The following MAMDC2 variants were observed in gnomAD, a reference collection of about 807,000 sequenced individuals.
The protein encoded by MAMDC2 is MAM domain containing 2, also known as MAM domain-containing protein 2.
A neutral mutation model predicts 89.8 loss-of-function variants in MAMDC2; 57 were observed. That is an observed-to-expected ratio of 0.63 (90% CI 0.51 to 0.79). The LOEUF is 0.79. MAMDC2 is among the 30% of genes least tolerant of loss of function. MAMDC2 has a pLI of 0.00. For synonymous variants in MAMDC2, 313 were observed against 293.4 expected, an observed-to-expected ratio of 1.07 and a Z score of -0.68; for missense variants, 800 against 820.6, an observed-to-expected ratio of 0.97 and a Z score of 0.31.
At position 70,218,395 on chromosome 9, in the gene MAMDC2, G is replaced by C. The variant is rs1487209433; in HGVS notation, c.1710G>C (p.Leu570Phe). 3 of 1,614,074 alleles carry C rather than the reference G, an allele frequency of 1.9e-6. No homozygotes were observed. In the African/African-American group the frequency reaches 4.0e-5, roughly 22 times the overall value. The stretch of plus-strand genomic sequence containing the variant: ...TGTATGGACAAAAAGCACGCCTCTT[G>C]TCCAGGCCTCTGCGAGGAGTCTCTG... ...HMVYGQKARL[L>F]SRPLRGVSGK... The change falls in exon 12 of 14, where the codon TTG becomes TTC. Residue 570 changes from leucine (L) to phenylalanine (F), a missense_variant. By Grantham distance (22) the Leu-to-Phe change is conservative. Coordinates refer to ENST00000377182, the MANE Select transcript of MAMDC2 (RefSeq NM_153267.5).
At chr9:70,211,767 C>T (rs1444694664) in intron 11 of MAMDC2, among the ~76,000 whole-genome samples, 1 of 152,064 alleles carries the variant, frequency 6.6e-6, no homozygotes, top group African/African-American at 2.4e-5. Context: ...TTTTATCTAC[C>T]TTTGGTCTTT....
intron 3 of MAMDC2, chr9:70,109,360 A>T (rs1241123675): frequency 9.7e-6 from 2 of 206,050 alleles, no homozygotes; most frequent in African/African-American, 2.3e-5. Context: ...ACCACAGGAG[A>T]AAAAGTGATT....
intron 11 of MAMDC2, among the ~76,000 whole-genome samples, chr9:70,210,256 T>C (rs1033035158): frequency 3.4e-5 from 5 of 148,992 alleles, no homozygotes; most frequent in African/African-American, 1.2e-4. Context: ...CCCATCATTA[T>C]TGTATGTGAG....
chr9:70,215,768 A>G (rs967014981), intron 11 of MAMDC2, among the ~76,000 whole-genome samples: 6 of 152,224 alleles, frequency 3.9e-5, no homozygotes, highest in Non-Finnish European at 8.8e-5. Context: ...GATGCAGGCC[A>G]TATCCTGAGT....
intron 11 of MAMDC2, among the ~76,000 whole-genome samples, chr9:70,177,422 T>C (rs2032532246): frequency 6.6e-6 from 1 of 152,178 alleles, no homozygotes; most frequent in Non-Finnish European, 1.5e-5. Flanking sequence ...CAACAGAACA[T>C]AGTTTAAAAC....
chr9:70,059,074 C>A (rs1827088426), intron 2 of MAMDC2, among the ~76,000 whole-genome samples: 1 of 152,102 alleles, frequency 6.6e-6, no homozygotes, highest in Non-Finnish European at 1.5e-5. Context: ...AGTGAAGTAT[C>A]CTTATACAAA....
chr9:70,219,840 T>A (rs994103924), intron 12 of MAMDC2, among the ~76,000 whole-genome samples: 1 of 152,254 alleles, frequency 6.6e-6, no homozygotes, highest in African/African-American at 2.4e-5. Flanking sequence ...GATGGATTAA[T>A]TTTGTTAGGC....
chr9:70,088,699 C>G (rs1367836136), intron 2 of MAMDC2: 1 of 150,226 alleles, frequency 6.7e-6, no homozygotes, highest in Non-Finnish European at 1.5e-5. Context: ...GGATAATATG[C>G]TAATTTTCCT....
intron 2 of MAMDC2, among the ~76,000 whole-genome samples, chr9:70,078,152 G>A (rs1166232838): frequency 6.6e-6 from 1 of 152,134 alleles, no homozygotes; most frequent in Non-Finnish European, 1.5e-5. Flanking sequence ...ATTTGCTTTT[G>A]CAAAATCATC....
At chr9:70,130,533 G>T (rs546444419) in intron 6 of MAMDC2, among the ~76,000 whole-genome samples, 1 of 152,290 alleles carries the variant, frequency 6.6e-6, no homozygotes, top group Non-Finnish European at 1.5e-5. Flanking sequence ...CATGGTCACA[G>T]GCAGAAGGTG....
rs748532388 is a variant in MAMDC2, at chr9:70,126,209, G to T, written c.694G>T (p.Ala232Ser). Residue 232 changes from alanine (A) to serine (S), a missense_variant, in exon 6 of 14, where the codon GCA becomes TCA. Transcript: ENST00000377182. ...TTATGTGAAGCACTTCCAGGAGGTGGCACAGCTCATCTCCCCGTTGACCAC... is the reference window on the plus strand; with the variant it reads ...TTATGTGAAGCACTTCCAGGAGGTGTCACAGCTCATCTCCCCGTTGACCAC... ...SVYVKHFQEV[A>S]QLISPLTTAP... The T allele has an allele frequency of 6.2e-7, 1 of 1,614,014 alleles. No individual in the cohort carries two copies. Among genetic ancestry groups the T allele is most frequent in the Admixed American group, 1.7e-5 (1 of 60,014 alleles).
At chr9:70,085,270 A>G (rs77228650) in intron 2 of MAMDC2, among the ~76,000 whole-genome samples, 5,307 of 152,114 alleles carry the variant, frequency 0.035, 123 homozygotes, top group Non-Finnish European at 0.054. Context: ...CACCGTCCCT[A>G]GAGTTTTAAG....
At chr9:70,061,241 CT>C (rs1446042037) in intron 2 of MAMDC2, among the ~76,000 whole-genome samples, 6 of 152,196 alleles carry the variant, frequency 3.9e-5, no homozygotes, top group Non-Finnish European at 5.9e-5. Context: ...CAACCACCCT[CT>C]GAGGTGAGTG....
chr9:70,145,495 G>A (rs973517750), intron 9 of MAMDC2, among the ~76,000 whole-genome samples: 2 of 152,076 alleles, frequency 1.3e-5, no homozygotes, highest in Non-Finnish European at 2.9e-5. Context: ...GGATCCCAAA[G>A]GCCTAACTTG....
intron 2 of MAMDC2, among the ~76,000 whole-genome samples, chr9:70,090,022 A>T (rs900832287): frequency 6.6e-6 from 1 of 152,196 alleles, no homozygotes; most frequent in East Asian, 1.9e-4. Context: ...ACATGACAAC[A>T]TGGATGACAG....
chr9:70,143,725 A>T lies in MAMDC2; in HGVS notation c.1310A>T (p.His437Leu). ...TLAVYIFEENHVVQEKIWSVL... is the reference protein window; with the variant it reads ...TLAVYIFEENLVVQEKIWSVL... Reference sequence around the variant, plus strand: ...GCAGTTTACATCTTTGAAGAGAACCATGTGGTTCAAGAGAAGATCTGGTCT... The same window carrying T: ...GCAGTTTACATCTTTGAAGAGAACCTTGTGGTTCAAGAGAAGATCTGGTCT... The change falls in exon 9 of 14, where the codon CAT becomes CTT. Residue 437 changes from histidine (H) to leucine (L), a missense_variant. Coordinates refer to ENST00000377182, the MANE Select transcript of MAMDC2 (RefSeq NM_153267.5). The T allele has an allele frequency of 1.2e-6, 2 of 1,614,200 alleles. No homozygotes were observed. The highest frequency in any genetic ancestry group is 1.7e-6 in the Non-Finnish European group (2 of 1,180,014).
At chr9:70,148,861 C>A (rs2031489729) in intron 9 of MAMDC2, among the ~76,000 whole-genome samples, 2 of 149,374 alleles carry the variant, frequency 1.3e-5, no homozygotes, top group African/African-American at 5.0e-5. Flanking sequence ...AACCCCGTGT[C>A]TACTAAAAAT....
intron 4 of MAMDC2, among the ~76,000 whole-genome samples, chr9:70,110,462 T>G: frequency 1.3e-5 from 2 of 149,210 alleles, no homozygotes; most frequent in East Asian, 2.0e-4. Flanking sequence ...GGAGCAGGAG[T>G]TTCAAGAAGG....
intron 8 of MAMDC2, among the ~76,000 whole-genome samples, 185 bp from the exon 9 acceptor site, chr9:70,143,369 A>G (rs1393508343): frequency 6.6e-6 from 1 of 152,242 alleles, no homozygotes; most frequent in Non-Finnish European, 1.5e-5. Context: ...TGAATGAGGT[A>G]TCATTTCAAT....
Sources: allele counts gnomAD v4.1 joint callset (sites outside exome capture counted in the v4.1 genomes callset), GRCh38; gene constraint gnomAD v4.1.1; transcripts MANE v1.5; gene names NCBI Gene and HGNC (gene_info 2026-07-23, HGNC 2026-07-21).